Variants in KSR2 observed in about 807,000 individuals in gnomAD.
KSR2 encodes kinase suppressor of ras 2.
In KSR2, 25 loss-of-function variants were observed where a neutral mutation model predicts 107.8. The observed-to-expected ratio is 0.23, with a 90% CI of 0.17 to 0.32. The LOEUF is 0.32. Ranked by LOEUF, KSR2 falls within the 10% of genes least tolerant of loss-of-function variation. KSR2 has a pLI of 1.00. For missense variants in KSR2, 887 were observed against 1,268.9 expected (o/e 0.70, Z 4.57); for synonymous variants, 480 against 507.0 (o/e 0.95, Z 0.71).
intron 9 of KSR2, among the ~76,000 whole-genome samples, chr12:117,553,738 T>C (rs1303847545): frequency 6.6e-6 from 1 of 152,092 alleles, no homozygotes; most frequent in Non-Finnish European, 1.5e-5. Context: ...GATCCCTTTT[T>C]TTGCGGTAAT....
At chr12:117,759,834 A>G (rs1888931360) in intron 4 of KSR2, among the ~76,000 whole-genome samples, 1 of 152,230 alleles carries the variant, frequency 6.6e-6, no homozygotes, top group East Asian at 1.9e-4. Context: ...CAGGTCGGGC[A>G]TGATGGCTCA....
Position 117,765,685 on chromosome 12 carries a change from A to C in KSR2, c.473-4161T>G, listed in dbSNP as rs1222074595. Among the ~76,000 whole-genome samples the C allele has an allele frequency of 5.9e-5, 9 of 152,290 alleles. No homozygotes were observed. The East Asian group carries it at 9.7e-4, about 16-fold the overall frequency. Reference sequence around the variant, plus strand: ...ACAAGTAGATGAACAAATTTATCATATATGTAGTGATAGTAAGTCTTCTAG... The same window carrying C: ...ACAAGTAGATGAACAAATTTATCATCTATGTAGTGATAGTAAGTCTTCTAG... On this transcript the variant is annotated intron_variant, in intron 3 of 19. Transcript: ENST00000339824.
intron 5 of KSR2, among the ~76,000 whole-genome samples, chr12:117,646,392 C>T (rs933557918): frequency 1.3e-5 from 2 of 152,066 alleles, no homozygotes; most frequent in African/African-American, 4.8e-5. Flanking sequence ...TCTGCGAGGC[C>T]GGGAACACTT....
chr12:117,968,025 A>C, intron 1 of KSR2, 51 bp downstream of exon 1: 1 of 1,244,972 alleles, frequency 8.0e-7, no homozygotes. Flanking sequence ...GGAAAGAAGG[A>C]TTGCTTTTTT....
chr12:117,526,068 A>G (rs1002297012), intron 13 of KSR2, among the ~76,000 whole-genome samples: 2 of 152,216 alleles, frequency 1.3e-5, no homozygotes, highest in Non-Finnish European at 2.9e-5. Context: ...TTCTTTGTAC[A>G]GACCTGACCA....
intron 6 of KSR2, among the ~76,000 whole-genome samples, chr12:117,579,838 A>T (rs543776769): frequency 6.6e-6 from 1 of 152,294 alleles, no homozygotes; most frequent in East Asian, 1.9e-4. Context: ...ACTTGCTGCA[A>T]ACTTGAGCAG....
intron 18 of KSR2, 145 bp from the exon 19 acceptor site, chr12:117,469,940 TCCA>T: frequency 4.0e-6 from 3 of 746,630 alleles, no homozygotes; most frequent in South Asian, 3.4e-5. Context: ...CATCCATCCA[TCCA>T]CCCATCCGGT....
chr12:117,958,899 AAAAAATAAGACCTAGTGT>A (rs1896588384), intron 1 of KSR2, among the ~76,000 whole-genome samples: 1 of 34,412 alleles, frequency 2.9e-5, no homozygotes, highest in Non-Finnish European at 6.9e-5. Flanking sequence ...AGATATATAG[AAAAAATAAGACCTAGTGT>A]TGAACAAACC....
intron 3 of KSR2, among the ~76,000 whole-genome samples, chr12:117,782,813 T>C (rs1439013282): frequency 1.3e-5 from 2 of 152,122 alleles, no homozygotes; most frequent in African/African-American, 2.4e-5. Flanking sequence ...AAAGTTCAAC[T>C]TGAGCAAGAA....
intron 7 of KSR2, among the ~76,000 whole-genome samples, chr12:117,560,517 A>C (rs1271561279): frequency 1.3e-5 from 2 of 152,186 alleles, no homozygotes; most frequent in African/African-American, 4.8e-5. Context: ...GGCACCAGAG[A>C]GGTCTCTCCA....
At chr12:117,632,531 C>T (rs1234115100) in intron 5 of KSR2, among the ~76,000 whole-genome samples, 1 of 152,040 alleles carries the variant, frequency 6.6e-6, no homozygotes, top group African/African-American at 2.4e-5. Flanking sequence ...CTGCCACCTA[C>T]TCCTTTTTCT....
chr12:117,473,232 C>T (rs1442127052), intron 17 of KSR2, among the ~76,000 whole-genome samples: 5 of 152,186 alleles, frequency 3.3e-5, no homozygotes, highest in Non-Finnish European at 7.4e-5. Context: ...TGGTGTGGCA[C>T]GCCCCCTCTG....
intron 4 of KSR2, among the ~76,000 whole-genome samples, chr12:117,671,684 A>G (rs1268856741): frequency 1.3e-5 from 2 of 152,234 alleles, no homozygotes; most frequent in Admixed American, 6.5e-5. Context: ...TAGTTGAATG[A>G]AATGAAACTT....
At chr12:117,934,743 C>G (rs11068746) in intron 1 of KSR2, among the ~76,000 whole-genome samples, 76,423 of 152,152 alleles carry the variant, frequency 0.5, 19,765 homozygotes, top group African/African-American at 0.62. Context: ...CCTGTTCACT[C>G]TAAGTTCTAA....
At chr12:117,901,181 C>T (rs1894671634) in intron 1 of KSR2, among the ~76,000 whole-genome samples, 1 of 151,160 alleles carries the variant, frequency 6.6e-6, no homozygotes, top group Admixed American at 6.6e-5. Flanking sequence ...TGGGAGGCTG[C>T]CAAAAAAACG....
At position 117,537,584 on chromosome 12, in the gene KSR2, T is replaced by C. The variant is rs1030786745; in HGVS notation, c.1687+2135A>G. Among the ~76,000 whole-genome samples, 44 of 152,258 alleles carry C rather than the reference T, an allele frequency of 2.9e-4. 1 individual carries two copies. The highest frequency in any genetic ancestry group is 5.1e-4 in the Non-Finnish European group (35 of 68,022). ...GAACACTGAGGCCCAGAGAGGCGAG[T>C]TATTTGTCCAGCATCACACAGACAT... On this transcript the variant is annotated intron_variant, in intron 10 of 19. Transcript: ENST00000339824.
At chr12:117,546,641 CT>C (rs1188918344) in intron 9 of KSR2, among the ~76,000 whole-genome samples, 1 of 152,182 alleles carries the variant, frequency 6.6e-6, no homozygotes, top group Non-Finnish European at 1.5e-5. Context: ...CCCAAGGGTC[CT>C]TGATACTCTG....
At chr12:117,846,004 T>C (rs1270609184) in intron 3 of KSR2, among the ~76,000 whole-genome samples, 1 of 151,328 alleles carries the variant, frequency 6.6e-6, no homozygotes, top group Non-Finnish European at 1.5e-5. Flanking sequence ...CTGAGATCTC[T>C]CCAAAGAAAA....
intron 3 of KSR2, among the ~76,000 whole-genome samples, chr12:117,806,910 G>C (rs1891029916): frequency 6.6e-6 from 1 of 152,154 alleles, no homozygotes; most frequent in African/African-American, 2.4e-5. Flanking sequence ...TTCACCTGCT[G>C]TACAGGCTGG....
Sources: gnomAD v4.1 joint callset for allele counts (sites outside exome capture counted in the v4.1 genomes callset) on GRCh38, gnomAD v4.1.1 for gene constraint, MANE v1.5 for transcripts, NCBI Gene and HGNC (gene_info 2026-07-23, HGNC 2026-07-21) for gene names.